Variants in KHDRBS2 observed in about 807,000 individuals in gnomAD.
KHDRBS2 encodes KH domain-containing, RNA-binding, signal transduction-associated protein 2.
A neutral mutation model predicts 44.3 loss-of-function variants in KHDRBS2; 26 were observed. That is an observed-to-expected ratio of 0.59 (90% confidence interval 0.43 to 0.81). The LOEUF (loss-of-function observed/expected upper bound fraction) is 0.81. KHDRBS2 is among the 40% of genes least tolerant of loss of function. The pLI is 0.00. For synonymous variants in KHDRBS2, 194 were observed against 151.1 expected, an observed-to-expected ratio of 1.28 and a Z score of -2.08; for missense variants, 476 against 433.1, an observed-to-expected ratio of 1.10 and a Z score of -0.88.
At chr6:61,807,177 G>C (rs1213055632) in intron 6 of KHDRBS2, among the ~76,000 whole-genome samples, 2 of 152,062 alleles carry the variant, frequency 1.3e-5, no homozygotes, top group South Asian at 2.1e-4. Context: ...AAAAATCATA[G>C]AGGCAGGTGA....
chr6:62,151,527 G>T (rs1373111007), intron 2 of KHDRBS2, among the ~76,000 whole-genome samples: 2 of 152,142 alleles, frequency 1.3e-5, no homozygotes, highest in South Asian at 2.1e-4. Context: ...CATTTCAAAA[G>T]TTACCCAAAA....
intron 3 of KHDRBS2, among the ~76,000 whole-genome samples, chr6:61,980,443 A>G (rs1185355780): frequency 2.0e-5 from 3 of 152,196 alleles, no homozygotes; most frequent in Non-Finnish European, 4.4e-5. Flanking sequence ...TTAGTGGGAA[A>G]TAACTCTTAT....
chr6:62,081,597 CAAGGA>C (rs1562812618), intron 2 of KHDRBS2, among the ~76,000 whole-genome samples: 1 of 151,968 alleles, frequency 6.6e-6, no homozygotes, highest in African/African-American at 2.4e-5. Flanking sequence ...TAAAGCAGAT[CAAGGA>C]AAGGAAAGAT....
chr6:61,654,701 A>G, the KHDRBS2 span, among the ~76,000 whole-genome samples: 1 of 151,322 alleles, frequency 6.6e-6, no homozygotes, highest in Non-Finnish European at 1.5e-5. Context: ...CTCAACTCAG[A>G]AATTAGTAAC....
intron 7 of KHDRBS2, among the ~76,000 whole-genome samples, chr6:61,697,991 T>C (rs1454832822): frequency 6.6e-6 from 1 of 152,146 alleles, no homozygotes; most frequent in Non-Finnish European, 1.5e-5. Context: ...CTATCCCATT[T>C]CTTGAAAAGA....
intron 6 of KHDRBS2, among the ~76,000 whole-genome samples, chr6:61,865,140 A>G (rs1045909774): frequency 6.6e-6 from 1 of 152,004 alleles, no homozygotes; most frequent in Non-Finnish European, 1.5e-5. Context: ...GTTCCTCTTT[A>G]TACTCACTGT....
At chr6:61,894,598 A>C in intron 6 of KHDRBS2, 37 bp downstream of exon 6, 1 of 1,532,114 alleles carries the variant, frequency 6.5e-7, no homozygotes, top group Non-Finnish European at 9.0e-7. Context: ...TAATCAATTT[A>C]ACTCATCCTT....
intron 7 of KHDRBS2, among the ~76,000 whole-genome samples, chr6:61,710,595 A>G (rs187727513): frequency 2.0e-5 from 3 of 151,238 alleles, no homozygotes; most frequent in African/African-American, 4.8e-5. Flanking sequence ...GTCCCTAACT[A>G]TGGTAATCTT....
At chr6:61,563,675 G>A in the KHDRBS2 span, among the ~76,000 whole-genome samples, 1 of 152,012 alleles carries the variant, frequency 6.6e-6, no homozygotes, top group Non-Finnish European at 1.5e-5. Flanking sequence ...CCTCCTGAAA[G>A]GCATCCTTTT....
chr6:61,898,524 T>A (rs996642268), intron 5 of KHDRBS2, among the ~76,000 whole-genome samples: 3 of 152,002 alleles, frequency 2.0e-5, no homozygotes, highest in African/African-American at 7.2e-5. Flanking sequence ...TTATTTTATC[T>A]TAACACTATG....
Position 61,680,829 on chromosome 6 carries a change from G to A in KHDRBS2, c.*134C>T, listed in dbSNP as rs1406396022. 8.4e-6 allele frequency: 5 copies of A among 596,354 alleles called. No homozygotes were observed. Among genetic ancestry groups the A allele is most frequent in the Non-Finnish European group, 1.5e-5 (5 of 329,884 alleles). 36.9% of individuals were successfully genotyped at this position (596,354 alleles called of 1,614,324 possible). The stretch of plus-strand genomic sequence containing the variant: ...AGGGAAATACTAGAAATATATGGGA[G>A]TAATCATGAGCAGTTATCCCTAGAA... On this transcript the variant is annotated 3_prime_UTR_variant, in exon 9 of 9. Transcript: ENST00000281156.
chr6:61,955,686 A>G (rs1767007545), intron 4 of KHDRBS2, among the ~76,000 whole-genome samples: 1 of 124,612 alleles, frequency 8.0e-6, no homozygotes, highest in Non-Finnish European at 1.7e-5. Flanking sequence ...ATATGTATGT[A>G]TACATATATG....
chr6:61,911,681 A>G (rs1373196837), intron 4 of KHDRBS2, among the ~76,000 whole-genome samples: 1 of 152,010 alleles, frequency 6.6e-6, no homozygotes, highest in African/African-American at 2.4e-5. Flanking sequence ...TCATGAGAAA[A>G]TCCCTCCTAG....
the KHDRBS2 span, among the ~76,000 whole-genome samples, chr6:61,554,109 T>C: frequency 2.0e-5 from 3 of 152,146 alleles, no homozygotes; most frequent in African/African-American, 7.2e-5. Context: ...TGTTAAAGTC[T>C]TCCAATATTA....
intron 6 of KHDRBS2, among the ~76,000 whole-genome samples, chr6:61,743,706 T>G (rs12206698): frequency 0.86 from 129,902 of 150,922 alleles, 56,511 homozygotes; most frequent in African/African-American, 0.97. Context: ...ATGCATACAT[T>G]TGCCATGTTG....
At chr6:61,588,798 A>G in the KHDRBS2 span, among the ~76,000 whole-genome samples, 1 of 152,120 alleles carries the variant, frequency 6.6e-6, no homozygotes, top group Non-Finnish European at 1.5e-5. Context: ...TCTCAAAAAA[A>G]AAGACTTGGA....
rs769879131 is a variant in KHDRBS2 at position 61,893,138 on chromosome 6, A to T, written c.810+1497T>A. Among the ~76,000 whole-genome samples, 21 of 152,244 alleles carry T rather than the reference A, an allele frequency of 1.4e-4. 1 individual carries two copies. Among genetic ancestry groups the T allele is most frequent in the Admixed American group, 1.3e-3 (20 of 15,286 alleles). Reference sequence around the variant, plus strand: ...GAAGACATTTATGCAGCCAAAAGACACATGAAAAAATGCTCATCATCATTG... The same window carrying T: ...GAAGACATTTATGCAGCCAAAAGACTCATGAAAAAATGCTCATCATCATTG... On this transcript the variant is annotated intron_variant, in intron 6 of 8. Transcript: ENST00000281156.
intron 7 of KHDRBS2, among the ~76,000 whole-genome samples, chr6:61,715,851 A>G (rs1488495548): frequency 6.6e-6 from 1 of 151,780 alleles, no homozygotes; most frequent in Non-Finnish European, 1.5e-5. Flanking sequence ...GAAAATCAGG[A>G]CCATAGCTAT....
At chr6:62,095,611 T>TA (rs775653970) in intron 2 of KHDRBS2, among the ~76,000 whole-genome samples, 23 of 152,004 alleles carry the variant, frequency 1.5e-4, no homozygotes, top group South Asian at 1.2e-3. Flanking sequence ...ACTTCTTAAC[T>TA]TATCCCCATC....
Sources: allele counts gnomAD v4.1 joint callset (sites outside exome capture counted in the v4.1 genomes callset), GRCh38; gene constraint gnomAD v4.1.1; transcripts MANE v1.5; gene names NCBI Gene and HGNC (gene_info 2026-07-23, HGNC 2026-07-21).